The following IL16 variants were observed in gnomAD, a reference collection of about 807,000 sequenced individuals.
IL16 encodes interleukin 16.
A neutral mutation model predicts 110.1 loss-of-function variants in IL16; 67 were observed. That is an observed-to-expected ratio of 0.61 (90% confidence interval 0.50 to 0.75). The LOEUF (loss-of-function observed/expected upper bound fraction) is 0.75, where lower values mean the gene tolerates loss of function less well. Ranked by LOEUF, IL16 falls within the 30% of genes least tolerant of loss-of-function variation. The pLI is 0.00. For missense variants in IL16, 1,545 were observed against 1,655.0 expected (o/e 0.93, Z 1.15); for synonymous variants, 689 against 662.9 (o/e 1.04, Z -0.61).
intron 1 of IL16, among the ~76,000 whole-genome samples, chr15:81,209,590 G>T (rs115976707): frequency 6.6e-6 from 1 of 152,106 alleles, no homozygotes; most frequent in Non-Finnish European, 1.5e-5. Context: ...TCTAAGCAAG[G>T]GAGGGTTTCA....
chr15:81,279,818 C>T, intron 8 of IL16, 44 bp downstream of exon 8: 1 of 1,520,454 alleles, frequency 6.6e-7, no homozygotes, highest in East Asian at 2.3e-5. Context: ...TCTCCCAGCA[C>T]TGGCTGAGTC....
At chr15:81,200,699 T>G (rs1210136692) in intron 1 of IL16, among the ~76,000 whole-genome samples, 2 of 152,138 alleles carry the variant, frequency 1.3e-5, no homozygotes, top group Non-Finnish European at 2.9e-5. Context: ...GTTTCATAAA[T>G]AGTCCTGTAG....
At position 81,229,450 on chromosome 15, in the gene IL16, G is replaced by T. The variant is rs572986414; in HGVS notation, c.312+3739G>T. 4.4e-3 allele frequency among the ~76,000 whole-genome samples: 664 copies of T among 152,174 alleles called. 4 individuals carry two copies. Among genetic ancestry groups the T allele is most frequent in the African/African-American group, 0.015 (640 of 41,488 alleles). ...TGCTGGGGGTGGCAGAAGAGGTGAT[G>T]AGCACAGTGGAGTCAAGTTTGAGGC... is the stretch of plus-strand genomic sequence containing the variant. On this transcript the variant is annotated intron_variant, in intron 2 of 18. Transcript: ENST00000683961.
chr15:81,191,991 C>G (rs1359673936), upstream of IL16, among the ~76,000 whole-genome samples: 2 of 152,128 alleles, frequency 1.3e-5, no homozygotes, highest in Non-Finnish European at 2.9e-5. Context: ...GGGTGGAGCA[C>G]AGGGCATTTT....
At chr15:81,197,632 T>G (rs1283528694) in intron 1 of IL16, among the ~76,000 whole-genome samples, 1 of 152,154 alleles carries the variant, frequency 6.6e-6, no homozygotes, top group African/African-American at 2.4e-5. Context: ...ATGGGAAAAG[T>G]GTTCACTCTG....
intron 5 of IL16, among the ~76,000 whole-genome samples, 168 bp from the exon 6 acceptor site, chr15:81,272,913 TTGTTGTTGG>T (rs1395723581): frequency 6.9e-6 from 1 of 144,190 alleles, no homozygotes; most frequent in Non-Finnish European, 1.5e-5. Context: ...ATTTTTGTTG[TTGTTGTTGG>T]TGTTGTTGTT....
At position 81,299,505 on chromosome 15, in the gene IL16, C is replaced by T. The variant is rs1596050608; in HGVS notation, c.2179C>T (p.Pro727Ser). Residue 727 changes from proline (P) to serine (S), a missense_variant, in exon 14 of 19, where the codon CCC becomes TCC. Pro to Ser is a moderately conservative substitution (Grantham distance 74). Around this residue, in one of 3 missense-constraint regions of IL16, gnomAD observed 1,185 missense variants for 1,238.8 expected, o/e 0.96. Coordinates refer to ENST00000683961, the MANE Select transcript of IL16 (RefSeq NM_172217.5). ...ISDCIKNLFSPIMSENHGHMP... is the reference protein window; with the variant it reads ...ISDCIKNLFSSIMSENHGHMP... ...TGACTGCATCAAAAACTTATTTAGCCCCATCATGAGTGAGAACCATGGCCA... is the reference window on the plus strand; with the variant it reads ...TGACTGCATCAAAAACTTATTTAGCTCCATCATGAGTGAGAACCATGGCCA... 2.5e-6 allele frequency: 4 copies of T among 1,614,028 alleles called. No individual in the cohort carries two copies. The highest frequency in any genetic ancestry group is 3.3e-5 in the Admixed American group (2 of 60,010).
At chr15:81,278,038 T>TTATG (rs1898994288) in intron 6 of IL16, among the ~76,000 whole-genome samples, 1 of 150,506 alleles carries the variant, frequency 6.6e-6, no homozygotes, top group South Asian at 2.1e-4. Flanking sequence ...TCCTATTTAT[T>TTATG]TATTTATTTA....
chr15:81,285,614 G>A, intron 9 of IL16, 84 bp from the exon 10 acceptor site: 1 of 1,434,572 alleles, frequency 7.0e-7, no homozygotes. Flanking sequence ...AAACAGCCCA[G>A]CCAGGAGTGG....
rs770005887 is a variant in IL16 at position 81,300,133 on chromosome 15, C to G, written c.2807C>G (p.Pro936Arg). The G allele has an allele frequency of 1.3e-5, 21 of 1,607,252 alleles. No homozygotes were observed. The East Asian group carries it at 2.7e-4, about 21-fold the overall frequency. Residue 936 changes from proline to arginine, a missense_variant, in exon 14 of 19, where the codon CCT becomes CGT. Physicochemically the swap from Pro to Arg is moderately radical, Grantham distance 103 (BLOSUM62 -2). Coordinates refer to ENST00000683961, the MANE Select transcript of IL16 (RefSeq NM_172217.5). ...GRQPNQKTLP[P>R]GPDPLLRLLS... ...CAGCCCAATCAGAAAACTCTCCCCC[C>G]TGGCCCGGACCCGCTCCTAAGGCTG...
rs114943307 is a variant in IL16, at chr15:81,307,258, C to T, written c.3805+713C>T. Among the ~76,000 whole-genome samples, 573 of 152,254 alleles carry T rather than the reference C, an allele frequency of 3.8e-3. 5 individuals carry two copies. Among genetic ancestry groups the T allele is most frequent in the African/African-American group, 0.013 (550 of 41,532 alleles). On this transcript the variant is annotated intron_variant, in intron 18 of 18. Transcript: ENST00000683961. ...AGTACTGGACAGGGAGGCAGGTGGG[C>T]CAGGTTCTAGTCCCAGCTCTGCCTG...
At chr15:81,184,717 T>C (rs570640733) in intron 1 of IL16, among the ~76,000 whole-genome samples, 6 of 152,342 alleles carry the variant, frequency 3.9e-5, no homozygotes, top group African/African-American at 1.2e-4. Context: ...GTTAGAAGAT[T>C]GGGCATTCAC....
At chr15:81,207,718 G>T (rs1896085799) in intron 1 of IL16, among the ~76,000 whole-genome samples, 1 of 152,068 alleles carries the variant, frequency 6.6e-6, no homozygotes, top group African/African-American at 2.4e-5. Flanking sequence ...CTATTTTATG[G>T]CTGCATAGTA....
At chr15:81,242,037 G>C (rs552997728) in intron 2 of IL16, among the ~76,000 whole-genome samples, 1 of 149,152 alleles carries the variant, frequency 6.7e-6, no homozygotes, top group South Asian at 2.1e-4. Context: ...AATTCCTGCT[G>C]CATCTTTGTC....
At chr15:81,249,018 C>T (rs1313420500) in intron 2 of IL16, among the ~76,000 whole-genome samples, 1 of 151,838 alleles carries the variant, frequency 6.6e-6, no homozygotes, top group African/African-American at 2.4e-5. Context: ...AGCCACCGCA[C>T]CTGGACCTAT....
upstream of IL16, among the ~76,000 whole-genome samples, chr15:81,195,006 G>A (rs1895560681): frequency 6.6e-6 from 1 of 152,040 alleles, no homozygotes; most frequent in African/African-American, 2.4e-5. Context: ...ATGGAGTGTT[G>A]GGCAGGGTGG....
intron 1 of IL16, chr15:81,182,975 C>T: frequency 1.1e-6 from 1 of 902,524 alleles, no homozygotes; most frequent in Non-Finnish European, 1.6e-6. Flanking sequence ...TGACATCCTC[C>T]CAGGGGAATG....
intron 4 of IL16, 114 bp downstream of exon 4, chr15:81,265,915 T>A: frequency 3.2e-6 from 3 of 951,964 alleles, no homozygotes; most frequent in Non-Finnish European, 3.1e-6. Context: ...TCCGCAGAAC[T>A]ACAGAGGAGA....
At chr15:81,281,567 C>G (rs1371243905) in intron 8 of IL16, among the ~76,000 whole-genome samples, 1 of 152,228 alleles carries the variant, frequency 6.6e-6, no homozygotes, top group Non-Finnish European at 1.5e-5. Flanking sequence ...ACAGCACCCC[C>G]TTGCCTGTGA....
Sources: allele counts gnomAD v4.1 joint callset (sites outside exome capture counted in the v4.1 genomes callset), GRCh38; gene constraint gnomAD v4.1.1; regional missense constraint gnomAD v4.1.1; transcripts MANE v1.5; gene names NCBI Gene and HGNC (gene_info 2026-07-23, HGNC 2026-07-21).